Variants in RANBP2 observed in about 807,000 individuals in gnomAD.
The protein encoded by RANBP2 is RAN binding protein 2, also known as E3 SUMO-protein ligase RanBP2.
Under a neutral mutation model 303.6 loss-of-function variants are expected in RANBP2, and 57 were observed. The observed-to-expected ratio is 0.19, with a 90% confidence interval of 0.15 to 0.23. The LOEUF (loss-of-function observed/expected upper bound fraction) is 0.23, where lower values mean the gene tolerates loss of function less well. Among genes scored for constraint, RANBP2 ranks in the 10% least tolerant of loss-of-function variants. The pLI is 1.00. For missense variants in RANBP2, 3,138 were observed against 3,780.8 expected (o/e 0.83, Z 4.46); for synonymous variants, 1,167 against 1,301.5 (o/e 0.90, Z 2.23).
At chr2:109,519,740 C>G in the RANBP2 span, among the ~76,000 whole-genome samples, 5 of 152,368 alleles carry the variant, frequency 3.3e-5, no homozygotes, top group East Asian at 9.6e-4. Flanking sequence ...ACAGGACATC[C>G]AGCATGCTTT....
At chr2:108,997,478 AG>A in the RANBP2 span, among the ~76,000 whole-genome samples, 5,775 of 146,188 alleles carry the variant, frequency 0.04, 346 homozygotes, top group African/African-American at 0.12. Flanking sequence ...ATGGTCAGTA[AG>A]GGTTTAGAAA....
the RANBP2 span, among the ~76,000 whole-genome samples, chr2:109,657,741 A>G: frequency 3.0e-5 from 3 of 100,868 alleles, no homozygotes; most frequent in African/African-American, 1.2e-4. Flanking sequence ...TTTTTTTGAG[A>G]TGGAGTCTCA....
At chr2:109,728,370 G>A in the RANBP2 span, among the ~76,000 whole-genome samples, 1 of 152,050 alleles carries the variant, frequency 6.6e-6, no homozygotes, top group Non-Finnish European at 1.5e-5. Flanking sequence ...AGTATGTTGT[G>A]GGGTAACTTG....
At chr2:109,015,689 T>C in the RANBP2 span, among the ~76,000 whole-genome samples, 5 of 151,504 alleles carry the variant, frequency 3.3e-5, no homozygotes, top group Non-Finnish European at 7.4e-5. Flanking sequence ...ACTCAGGAGG[T>C]GGAGGTTGCA....
At chr2:109,502,445 T>C in the RANBP2 span, 1 of 152,170 alleles carries the variant, frequency 6.6e-6, no homozygotes, top group African/African-American at 2.4e-5. Flanking sequence ...TGGTTGAGCT[T>C]GAAAGAAAAG....
chr2:108,722,872 C>G (rs1694380812), intron 1 of RANBP2, among the ~76,000 whole-genome samples: 1 of 151,554 alleles, frequency 6.6e-6, no homozygotes, highest in Admixed American at 6.6e-5. Context: ...GCCTGTGTGA[C>G]AGAGCGAGAC....
At chr2:109,328,342 C>T in the RANBP2 span, among the ~76,000 whole-genome samples, 1 of 152,340 alleles carries the variant, frequency 6.6e-6, no homozygotes, top group Admixed American at 6.5e-5. Context: ...CTATTTCCTT[C>T]ATGCCATTAA....
At chr2:109,014,204 C>G in the RANBP2 span, among the ~76,000 whole-genome samples, 1 of 152,152 alleles carries the variant, frequency 6.6e-6, no homozygotes, top group African/African-American at 2.4e-5. Context: ...TTTCTTTCAG[C>G]AGGGCTGCCC....
the RANBP2 span, among the ~76,000 whole-genome samples, chr2:109,023,458 C>G: frequency 3.3e-5 from 5 of 152,166 alleles, no homozygotes; most frequent in African/African-American, 4.8e-5. Flanking sequence ...TTTAAAATAG[C>G]TTTTTGCTGT....
chr2:109,365,056 A>G, the RANBP2 span, among the ~76,000 whole-genome samples: 1 of 150,768 alleles, frequency 6.6e-6, no homozygotes, highest in South Asian at 2.1e-4. Context: ...CATATAAAAC[A>G]AACAAACAAA....
the RANBP2 span, among the ~76,000 whole-genome samples, chr2:109,015,118 CAAAAAAAAAAAAAAAAAA>C: frequency 2.2e-4 from 15 of 68,812 alleles, no homozygotes; most frequent in African/African-American, 5.3e-4. Context: ...GACTCCATCT[CAAAAAAAAAAAAAAAAAA>C]AAAAAAAAAA....
the RANBP2 span, chr2:109,585,387 G>A: frequency 1.5e-6 from 2 of 1,318,788 alleles, no homozygotes; most frequent in African/African-American, 3.0e-5. Flanking sequence ...AACTGTAAAT[G>A]CCTAGAGTGG....
At chr2:109,524,444 C>CAAAAAAAAAAAAAAAAAAAAAAAA in the RANBP2 span, among the ~76,000 whole-genome samples, 10 of 84,406 alleles carry the variant, frequency 1.2e-4, 1 homozygote, top group African/African-American at 6.6e-4. Flanking sequence ...GACCCTGTCT[C>CAAAAAAAAAAAAAAAAAAAAAAAA]AAAAAAAAAA....
the RANBP2 span, among the ~76,000 whole-genome samples, chr2:109,096,656 G>C: frequency 6.6e-6 from 1 of 152,144 alleles, no homozygotes; most frequent in African/African-American, 2.4e-5. Context: ...ATATCAAGTA[G>C]AATAGGAGTT....
the RANBP2 span, chr2:108,897,320 T>G: frequency 7.7e-7 from 1 of 1,300,202 alleles, no homozygotes; most frequent in Admixed American, 2.2e-5. Context: ...ATAAAAATTA[T>G]TTGAAAAAAA....
chr2:109,591,024 A>G, the RANBP2 span, among the ~76,000 whole-genome samples: 1 of 152,252 alleles, frequency 6.6e-6, no homozygotes, highest in Admixed American at 6.5e-5. Flanking sequence ...TAACAAACAG[A>G]TGCCGTTTTA....
At chr2:108,860,651 T>G in the RANBP2 span, among the ~76,000 whole-genome samples, 6 of 152,188 alleles carry the variant, frequency 3.9e-5, no homozygotes, top group South Asian at 1.2e-3. Flanking sequence ...AGGAATAAAG[T>G]CCACTTGATC....
the RANBP2 span, among the ~76,000 whole-genome samples, chr2:108,977,513 G>A: frequency 2.0e-5 from 3 of 152,012 alleles, no homozygotes; most frequent in East Asian, 1.9e-4. Flanking sequence ...CTCGTGATCC[G>A]CCAGCCTCGG....
At chr2:109,497,607 C>T in the RANBP2 span, among the ~76,000 whole-genome samples, 2 of 152,172 alleles carry the variant, frequency 1.3e-5, no homozygotes, top group Non-Finnish European at 1.5e-5. Context: ...GCTGCTGACA[C>T]GGACACGACA....
Sources: gnomAD v4.1 joint callset for allele counts (sites outside exome capture counted in the v4.1 genomes callset) on GRCh38, gnomAD v4.1.1 for gene constraint, MANE v1.5 for transcripts, NCBI Gene and HGNC (gene_info 2026-07-23, HGNC 2026-07-21) for gene names.